DAPK3: variants seen among roughly 807,000 people sequenced by gnomAD.
DAPK3 encodes the protein death associated protein kinase 3.
A neutral mutation model predicts 30.6 loss-of-function variants in DAPK3; 24 were observed. The ratio of observed to expected loss-of-function variants is 0.78; its 90% confidence interval spans 0.57 to 1.10. DAPK3 has a LOEUF of 1.10. Ranked by LOEUF, DAPK3 falls within the 50% of genes least tolerant of loss-of-function variation. DAPK3 has a pLI of 0.00. For synonymous variants in DAPK3, 341 were observed against 284.0 expected (o/e 1.20, Z -2.02); for missense variants, 629 against 657.3 (o/e 0.96, Z 0.47).
At chr19:3,960,822 A>AC (rs1310990635) in intron 7 of DAPK3, among the ~76,000 whole-genome samples, 187 bp downstream of exon 7, 4 of 150,982 alleles carry the variant, frequency 2.6e-5, no homozygotes, top group African/African-American at 4.9e-5. Context: ...AAAAAAAAAA[A>AC]AACCATGGCA....
At chr19:3,959,766 G>T in intron 8 of DAPK3, 129 bp from the exon 9 acceptor site, 1 of 1,106,834 alleles carries the variant, frequency 9.0e-7, no homozygotes, top group Non-Finnish European at 1.3e-6. Context: ...GACGGAGACT[G>T]CCCAGCCCGA....
In DAPK3 at chr19:3,959,239, G is replaced by A; in HGVS notation, c.1227C>T (p.Leu409=). The A allele has an allele frequency of 6.2e-7, 1 of 1,600,152 alleles. No individual in the cohort carries two copies. Among genetic ancestry groups the A allele is most frequent in the Non-Finnish European group, 8.5e-7 (1 of 1,178,326 alleles). ...AKGALLGTSG[L]KRRFSRLENR... ...TCTCCAGGCGGCTGAAGCGGCGCTT[G>A]AGGCCGCTGGTCCCCAGCAGCGCGC... Residue 409 remains leucine, a synonymous_variant, in exon 9 of 9, where the codon CTC becomes CTT. Coordinates refer to ENST00000545797, the MANE Select transcript of DAPK3 (RefSeq NM_001348.3).
Position 3,964,637 on chromosome 19 carries a change from G to A in DAPK3, c.417C>T (p.Asp139=), listed in dbSNP as rs748496117. ...AGGGCCCTACAGGGCTCACCTTCAG[G>A]TCAAAGTGTGCGATGCGCTTAGAGT... is the stretch of plus-strand genomic sequence containing the variant. ...YLHSKRIAHF[D]LKPENIMLLD... is the part of the protein sequence containing the mutation. The change falls in exon 3 of 9, where the codon GAC becomes GAT. Residue 139 remains aspartate, a synonymous_variant. Coordinates refer to ENST00000545797, the MANE Select transcript of DAPK3 (RefSeq NM_001348.3). 9.9e-6 allele frequency: 16 copies of A among 1,608,268 alleles called. No individual in the cohort carries two copies. Among genetic ancestry groups the A allele is most frequent in the Admixed American group, 1.7e-5 (1 of 59,704 alleles).
At chr19:3,960,501 G>A (rs1018940798) in intron 7 of DAPK3, among the ~76,000 whole-genome samples, 9 of 152,202 alleles carry the variant, frequency 5.9e-5, no homozygotes, top group Middle Eastern at 3.4e-3. Flanking sequence ...AGCCAGACAC[G>A]GTGTCTCACG....
intron 4 of DAPK3, 95 bp from the exon 5 acceptor site, chr19:3,964,014 G>A (rs540168197): frequency 2.3e-5 from 21 of 906,284 alleles, no homozygotes; most frequent in African/African-American, 1.1e-4. Context: ...CTCACATGTC[G>A]CAGCCCTTGG....
intron 2 of DAPK3, among the ~76,000 whole-genome samples, chr19:3,967,455 A>C (rs1272365475): frequency 6.8e-6 from 1 of 146,730 alleles, no homozygotes; most frequent in African/African-American, 2.5e-5. Flanking sequence ...TCCGTCTCAA[A>C]AAAAAAGTGT....
At chr19:3,965,921 T>C (rs1259581750) in intron 2 of DAPK3, among the ~76,000 whole-genome samples, 2 of 151,938 alleles carry the variant, frequency 1.3e-5, no homozygotes, top group Non-Finnish European at 1.5e-5. Context: ...CCCAAGTAGG[T>C]GGGACTACAG....
chr19:3,961,692 A>G (rs972694351), intron 6 of DAPK3: 4 of 360,430 alleles, frequency 1.1e-5, no homozygotes, highest in East Asian at 1.5e-4. Flanking sequence ...GCCTTCTGCA[A>G]AACACCTGAC....
chr19:3,969,305 AT>A (rs59973574), intron 2 of DAPK3, among the ~76,000 whole-genome samples: 1 of 151,854 alleles, frequency 6.6e-6, no homozygotes, highest in Non-Finnish European at 1.5e-5. Context: ...CACCTGGTTA[AT>A]TTTTTTTCAT....
chr19:3,959,543 T>C lies in DAPK3; in HGVS notation c.923A>G (p.Lys308Arg). The change falls in exon 9 of 9, where the codon AAG becomes AGG. Residue 308 changes from lysine to arginine, a missense_variant. Lys to Arg is a conservative substitution (Grantham distance 26, BLOSUM62 2). This residue lies in a region of DAPK3 where 323 missense variants were observed against 278.8 expected (regional missense o/e 1.16). Transcript: ENST00000545797. ...GTTGGGCGGCAAGCTGGAGTGCGAC[T>C]TGATGGTGTACTCCTTCAGACGCGT... ...KTTRLKEYTI[K>R]SHSSLPPNNS... is the part of the protein sequence containing the mutation. 1 of 1,579,136 alleles carries C rather than the reference T, an allele frequency of 6.3e-7. No homozygotes were observed. The highest frequency in any genetic ancestry group is 8.5e-7 in the Non-Finnish European group (1 of 1,171,264).
In DAPK3 at chr19:3,958,749, A is replaced by G. The variant is rs1160597273; in HGVS notation, c.*352T>C. ...GAATTGTCCGTGCAACTACCCGCAAACCCTCCTCCGGGCCTGAACCAGGGC... is the reference window on the plus strand; with the variant it reads ...GAATTGTCCGTGCAACTACCCGCAAGCCCTCCTCCGGGCCTGAACCAGGGC... On this transcript the variant is annotated 3_prime_UTR_variant, in exon 9 of 9. Coordinates refer to ENST00000545797, the MANE Select transcript of DAPK3 (RefSeq NM_001348.3). The G allele has an allele frequency of 1.9e-5, 9 of 463,684 alleles. No homozygotes were observed. Among genetic ancestry groups the G allele is most frequent in the Non-Finnish European group, 2.8e-5 (7 of 250,736 alleles). 28.7% of individuals were successfully genotyped at this position (463,684 alleles called of 1,614,324 possible).
intron 2 of DAPK3, among the ~76,000 whole-genome samples, chr19:3,966,304 C>T (rs1383418849): frequency 6.6e-6 from 1 of 152,160 alleles, no homozygotes; most frequent in African/African-American, 2.4e-5. Context: ...ACCCAGCTGT[C>T]CCAGGGCAGC....
At chr19:3,964,568 T>TGGC in intron 3 of DAPK3, 63 bp downstream of exon 3, 1 of 1,321,028 alleles carries the variant, frequency 7.6e-7, no homozygotes, top group Non-Finnish European at 1.0e-6. Context: ...TCCAGGCTCT[T>TGGC]CCCCGCCCCA....
In DAPK3 at chr19:3,964,960, G is replaced by A. The variant is rs1173048874; in HGVS notation, c.94C>T (p.Gln32Ter). 2.2e-5 allele frequency: 35 copies of A among 1,610,038 alleles called. No individual in the cohort carries two copies. The highest frequency in any genetic ancestry group is 3.0e-5 in the Non-Finnish European group (35 of 1,177,964). The change falls in exon 3 of 9, where the codon CAG (glutamine) becomes TAG (stop). Residue 32 changes from glutamine (Q) to a stop codon, truncating the protein, a stop_gained. Coordinates refer to ENST00000545797, the MANE Select transcript of DAPK3 (RefSeq NM_001348.3). LOFTEE classifies it high-confidence loss of function. The stretch of plus-strand genomic sequence containing the variant: ...GCGTACTCCTTGCCCGTGCCCTTCT[G>A]CCGGCACTTCCGCACGATCGCAAAC... ...GQFAIVRKCRQKGTGKEYAAK... is the reference protein window; with the variant it reads ...GQFAIVRKCR
At chr19:3,970,186 C>T (rs972502631) in intron 1 of DAPK3, among the ~76,000 whole-genome samples, 4 of 152,220 alleles carry the variant, frequency 2.6e-5, no homozygotes, top group African/African-American at 9.6e-5. Flanking sequence ...TGCACGTTCT[C>T]CTCAACCTCA....
At position 3,964,902 on chromosome 19, in the gene DAPK3, G is replaced by C. The variant is rs890970969; in HGVS notation, c.152C>G (p.Ser51Cys). The change falls in exon 3 of 9, where the codon TCC becomes TGC. Residue 51 changes from serine (S) to cysteine (C), a missense_variant. Coordinates refer to ENST00000545797, the MANE Select transcript of DAPK3 (RefSeq NM_001348.3). Reference protein sequence around the residue: ...AKFIKKRRLSSSRRGVSREEI... With the variant: ...AKFIKKRRLSCSRRGVSREEI... ...CTCCCGGCTCACCCCACGCCGGCTG[G>C]ATGACAGGCGGCGCTTCTTGATGAA... The C allele has an allele frequency of 1.2e-6, 2 of 1,609,604 alleles. No individual in the cohort carries two copies. Among genetic ancestry groups the C allele is most frequent in the Non-Finnish European group, 1.7e-6 (2 of 1,176,138 alleles).
At position 3,958,762 on chromosome 19, in the gene DAPK3, C is replaced by T; in HGVS notation, c.*339G>A. ...AACTACCCGCAAACCCTCCTCCGGG[C>T]CTGAACCAGGGCTGCATTCGGGCCG... is the stretch of plus-strand genomic sequence containing the variant. On this transcript the variant is annotated 3_prime_UTR_variant, in exon 9 of 9. Coordinates refer to ENST00000545797, the MANE Select transcript of DAPK3 (RefSeq NM_001348.3). 1 of 461,476 alleles carries T rather than the reference C, an allele frequency of 2.2e-6. No homozygotes were observed. The highest frequency in any genetic ancestry group is 4.0e-6 in the Non-Finnish European group (1 of 248,514). 28.6% of individuals were successfully genotyped at this position (461,476 alleles called of 1,614,324 possible).
Position 3,959,296 on chromosome 19 carries a change from C to A in DAPK3, c.1170G>T (p.Ala390=). Residue 390 remains alanine (A), a synonymous_variant, in exon 9 of 9, where the codon GCG becomes GCT. Transcript: ENST00000545797. ...RLRQELLKTE[A]LKRQAQEEAK... is the part of the protein sequence containing the mutation. ...CCTCCTCCTGCGCCTGCCGCTTGAG[C>A]GCCTCGGTCTTGAGCAGCTCCTGCC... 4 of 1,596,412 alleles carry A rather than the reference C, an allele frequency of 2.5e-6. No individual in the cohort carries two copies. The highest frequency in any genetic ancestry group is 3.4e-6 in the Non-Finnish European group (4 of 1,178,106).
intron 3 of DAPK3, 25 bp downstream of exon 3, chr19:3,964,606 C>T (rs779767513): frequency 6.4e-7 from 1 of 1,563,650 alleles, no homozygotes; most frequent in Non-Finnish European, 8.7e-7. Context: ...GCCAGGCCGG[C>T]CCCACAGGGC....
Sources: allele counts gnomAD v4.1 joint callset (sites outside exome capture counted in the v4.1 genomes callset), GRCh38; gene constraint gnomAD v4.1.1; regional missense constraint gnomAD v4.1.1; transcripts MANE v1.5; gene names NCBI Gene and HGNC (gene_info 2026-07-23, HGNC 2026-07-21).